ZNF565: variants seen among roughly 807,000 people sequenced by gnomAD.
ZNF565 encodes zinc finger protein 565.
A neutral mutation model predicts 39.4 loss-of-function variants in ZNF565; 27 were observed. That is an observed-to-expected ratio of 0.69 (90% CI 0.51 to 0.95). The LOEUF is 0.95. Among genes scored for constraint, ZNF565 ranks in the 40% least tolerant of loss-of-function variants. The pLI is 0.00. For missense variants in ZNF565, 524 were observed against 621.1 expected (o/e 0.84, Z 1.66); for synonymous variants, 185 against 216.6 (o/e 0.85, Z 1.28).
rs1397689178 is a variant in ZNF565, at chr19:36,183,416, G to A, written c.550C>T (p.Gln184Ter). 6.2e-7 allele frequency: 1 copy of A among 1,608,394 alleles called. No individual in the cohort carries two copies. Among genetic ancestry groups the A allele is most frequent in the Non-Finnish European group, 8.5e-7 (1 of 1,175,002 alleles). Residue 184 changes from glutamine to a stop codon, truncating the protein, a stop_gained, in exon 5 of 5, where the codon CAA becomes TAA. Coordinates refer to ENST00000304116, the MANE Select transcript of ZNF565 (RefSeq NM_152477.5). LOFTEE classifies it high-confidence loss of function. ...KAFSRGSHLI[Q>*]HQKIHTGEKP... is the part of the protein sequence containing the mutation. ...TCACCAGTGTGAATTTTCTGATGTT[G>A]AATAAGGTGTGAGCCACGGCTAAAT...
chr19:36,209,311 C>T lies in ZNF565; in HGVS notation c.-66+5311G>A, dbSNP rs181828274. 3.9e-5 allele frequency among the ~76,000 whole-genome samples: 6 copies of T among 152,060 alleles called. No individual in the cohort carries two copies. The South Asian group carries it at 1.0e-3, about 26-fold the overall frequency. On this transcript the variant is annotated intron_variant, in intron 1 of 4. Transcript: ENST00000304116. ...TTTGGGAGGCCGAGGCGGTTGGCAA[C>T]TTAGTGAAAGCCCATTTCTACAAAA...
At chr19:36,236,641 T>C (rs1568437837) in intron 1 of ZNF565, 1 of 1,614,206 alleles carries the variant, frequency 6.2e-7, no homozygotes, top group Non-Finnish European at 8.5e-7. Context: ...ACACCCATAC[T>C]GGCGAGAAGC....
intron 4 of ZNF565, among the ~76,000 whole-genome samples, chr19:36,187,020 G>A (rs1202040974): frequency 1.3e-5 from 2 of 151,694 alleles, no homozygotes; most frequent in African/African-American, 4.8e-5. Context: ...GAGAAACCCT[G>A]TCTCTATTAA....
In ZNF565 at chr19:36,223,554, G is replaced by A. The variant is rs377603089; in HGVS notation, c.56-21504C>T. 6.6e-5 allele frequency among the ~76,000 whole-genome samples: 10 copies of A among 151,908 alleles called. 1 individual carries two copies. In the East Asian group the frequency reaches 2.0e-3, roughly 30 times the overall value. ...ATTTTTTCGTATTTTTAGTAGAGAC[G>A]GGGTTTCACCATGTTAGCCAGGATG... On this transcript the variant is annotated intron_variant, in intron 1 of 4. Transcript: ENST00000355114.
rs537087302 is a variant in ZNF565, at chr19:36,224,885, T to A, written c.55+20591A>T. 3.9e-5 allele frequency among the ~76,000 whole-genome samples: 6 copies of A among 152,338 alleles called. 1 individual carries two copies. In the South Asian group the frequency reaches 1.2e-3, roughly 32 times the overall value. On this transcript the variant is annotated intron_variant, in intron 1 of 4. Coordinates refer to the ZNF565 transcript ENST00000355114. ...GGACACTTCTTACTAAGTTTATTTCTGGATGTTTTGTTTTATGTTGCTATG... is the reference window on the plus strand; with the variant it reads ...GGACACTTCTTACTAAGTTTATTTCAGGATGTTTTGTTTTATGTTGCTATG...
At chr19:36,244,551 T>C (rs1418563803) in intron 1 of ZNF565, among the ~76,000 whole-genome samples, 6 of 151,004 alleles carry the variant, frequency 4.0e-5, no homozygotes, top group Non-Finnish European at 8.8e-5. Context: ...AAAAGTTTAT[T>C]AATTTTTTTT....
intron 1 of ZNF565, among the ~76,000 whole-genome samples, chr19:36,238,973 C>T (rs1305182577): frequency 1.3e-5 from 2 of 152,220 alleles, no homozygotes; most frequent in South Asian, 2.1e-4. Context: ...CCAGGTTGTG[C>T]GCTTCTTATG....
At position 36,197,946 on chromosome 19, in the gene ZNF565, G is replaced by A. The variant is rs1306971735; in HGVS notation, c.10-2790C>T. ...GCAGATCACCTGAGGTCAAGAGTTCGAGACCAGCCTGGCCAACATGGTGAA... is the reference window on the plus strand; with the variant it reads ...GCAGATCACCTGAGGTCAAGAGTTCAAGACCAGCCTGGCCAACATGGTGAA... On this transcript the variant is annotated intron_variant, in intron 2 of 4. Transcript: ENST00000304116. Among the ~76,000 whole-genome samples the A allele has an allele frequency of 1.2e-4, 19 of 152,050 alleles. No individual in the cohort carries two copies. The East Asian group carries it at 2.9e-3, about 23-fold the overall frequency.
chr19:36,217,055 CTTTT>C (rs752632008), upstream of ZNF565, among the ~76,000 whole-genome samples: 11 of 65,878 alleles, frequency 1.7e-4, no homozygotes, highest in South Asian at 8.1e-4. Context: ...CAGTCCCTGT[CTTTT>C]TTTTTTTTTT....
chr19:36,245,691 G>A lies in ZNF565; in HGVS notation c.-161C>T, dbSNP rs2029893653. ...GTGAATGGGTTCAGGGTCTCTTAAG[G>A]ACCCTCCGTTGACGATGCCTCGAGC... is the stretch of plus-strand genomic sequence containing the variant. On this transcript the variant is annotated 5_prime_UTR_variant, in exon 1 of 5. Coordinates refer to the ZNF565 transcript ENST00000355114. The surrounding 1 kb of genome is among the most constrained non-coding windows in gnomAD (Gnocchi z 4.4). 2 of 620,764 alleles carry A rather than the reference G, an allele frequency of 3.2e-6. No individual in the cohort carries two copies. The highest frequency in any genetic ancestry group is 5.8e-6 in the Non-Finnish European group (2 of 345,004). The allele number at this position is 620,764 out of a possible 1,614,324, so 38.5% of individuals were successfully genotyped here.
intron 1 of ZNF565, among the ~76,000 whole-genome samples, chr19:36,222,187 G>A (rs1004208518): frequency 2.6e-5 from 4 of 152,128 alleles, no homozygotes. Context: ...GCTTCCCAAA[G>A]TGTTGGGATT....
In ZNF565 at chr19:36,206,307, C is replaced by T. The variant is rs146059193; in HGVS notation, c.-65-4257G>A. 1.9e-4 allele frequency among the ~76,000 whole-genome samples: 29 copies of T among 152,000 alleles called. No homozygotes were observed. The East Asian group carries it at 5.0e-3, about 26-fold the overall frequency. ...GAGACAACCAACAAACACTGACATA[C>T]GGAGATAGATGGGATTGAGGGCTGG... On this transcript the variant is annotated intron_variant, in intron 1 of 4. Transcript: ENST00000304116.
chr19:36,184,067 G>C (rs1599907477), intron 4 of ZNF565, among the ~76,000 whole-genome samples: 2 of 87,512 alleles, frequency 2.3e-5, no homozygotes, highest in South Asian at 8.8e-4. Context: ...GACAGAGCAA[G>C]ACTCTGTCTC....
intron 1 of ZNF565, among the ~76,000 whole-genome samples, chr19:36,234,785 C>T (rs1031978497): frequency 6.6e-6 from 1 of 152,204 alleles, no homozygotes; most frequent in African/African-American, 2.4e-5. Context: ...TATAGCAGCT[C>T]ATTCCTGTCA....
rs540739745 is a variant in ZNF565 at position 36,232,561 on chromosome 19, C to G, written c.55+12915G>C. Among the ~76,000 whole-genome samples the G allele has an allele frequency of 3.7e-4, 56 of 150,842 alleles. 1 individual carries two copies. The South Asian group carries it at 0.012, about 31-fold the overall frequency. On this transcript the variant is annotated intron_variant, in intron 1 of 4. Coordinates refer to the ZNF565 transcript ENST00000355114. Reference sequence around the variant, plus strand: ...AACGCATGAGTTGCTGTTAAATAATCTATGAATTTTTTGTGTGGAAATACT... The same window carrying G: ...AACGCATGAGTTGCTGTTAAATAATGTATGAATTTTTTGTGTGGAAATACT...
chr19:36,239,469 C>T (rs769585542), intron 1 of ZNF565, among the ~76,000 whole-genome samples: 6 of 151,398 alleles, frequency 4.0e-5, no homozygotes, highest in East Asian at 1.9e-4. Context: ...ACTACAGGCA[C>T]GCACCACTAT....
At chr19:36,192,022 T>C (rs922831245) in intron 4 of ZNF565, among the ~76,000 whole-genome samples, 7 of 150,004 alleles carry the variant, frequency 4.7e-5, no homozygotes, top group African/African-American at 9.9e-5. Context: ...TTTTTTTTTT[T>C]CTGTTGCCCA....
At chr19:36,243,428 A>G (rs1052948682) in intron 1 of ZNF565, among the ~76,000 whole-genome samples, 2 of 152,304 alleles carry the variant, frequency 1.3e-5, no homozygotes, top group South Asian at 2.1e-4. Context: ...ACTGATTTCT[A>G]TTTAACACCC....
rs561481007 is a variant in ZNF565 at position 36,238,905 on chromosome 19, G to A, written c.55+6571C>T. 754 of 155,244 alleles carry A rather than the reference G, an allele frequency of 4.9e-3. 7 individuals are homozygous for A. Among genetic ancestry groups the A allele is most frequent in the Non-Finnish European group, 4.5e-3 (306 of 68,022 alleles). 9.6% of individuals were successfully genotyped at this position (155,244 alleles called of 1,614,324 possible). ...GAGCTCCACCTCCTGCCAGATCAGC[G>A]GTGGCATTAGTTCTCATAGGAGCGC... is the stretch of plus-strand genomic sequence containing the variant. On this transcript the variant is annotated intron_variant, in intron 1 of 4. Transcript: ENST00000355114.
Sources: allele counts gnomAD v4.1 joint callset (sites outside exome capture counted in the v4.1 genomes callset), GRCh38; gene constraint gnomAD v4.1.1; non-coding constraint Gnocchi (gnomAD v3.1); transcripts MANE v1.5; gene names NCBI Gene and HGNC (gene_info 2026-07-23, HGNC 2026-07-21).